Variants in WDR64 observed in about 807,000 individuals in gnomAD.
WDR64 encodes WD repeat-containing protein 64.
Under a neutral mutation model 139.3 loss-of-function variants are expected in WDR64, and 112 were observed. That is an observed-to-expected ratio of 0.80 (90% CI 0.69 to 0.94). The LOEUF (loss-of-function observed/expected upper bound fraction) is 0.94, where lower values mean the gene tolerates loss of function less well. Among genes scored for constraint, WDR64 ranks in the 40% least tolerant of loss-of-function variants. The pLI, the probability that WDR64 is intolerant of heterozygous loss-of-function variation, is 0.00. For synonymous variants in WDR64, 444 were observed against 437.7 expected (o/e 1.01, Z -0.18); for missense variants, 1,206 against 1,293.1 (o/e 0.93, Z 1.03).
chr1:241,719,702 A>G (rs1668532343), intron 9 of WDR64, among the ~76,000 whole-genome samples: 1 of 152,218 alleles, frequency 6.6e-6, no homozygotes, highest in African/African-American at 2.4e-5. Context: ...AAAATCCAAT[A>G]TACATCAGGA....
chr1:241,789,222 T>A (rs1329057312), intron 24 of WDR64, among the ~76,000 whole-genome samples: 1 of 152,156 alleles, frequency 6.6e-6, no homozygotes, highest in Non-Finnish European at 1.5e-5. Context: ...GTAGGACACG[T>A]GCTCATGTTA....
At chr1:241,740,485 C>G (rs530568069) in intron 11 of WDR64, among the ~76,000 whole-genome samples, 2 of 152,268 alleles carry the variant, frequency 1.3e-5, no homozygotes, top group African/African-American at 4.8e-5. Context: ...TTAAACACTT[C>G]AGAGAGTGTT....
At chr1:241,674,351 G>C (rs1044816473) in intron 3 of WDR64, among the ~76,000 whole-genome samples, 1 of 139,594 alleles carries the variant, frequency 7.2e-6, no homozygotes, top group African/African-American at 2.7e-5. Context: ...TCAACCTCCT[G>C]GCTCCAGAGA....
chr1:241,657,514 G>A (rs1388525701), intron 1 of WDR64, among the ~76,000 whole-genome samples: 1 of 152,060 alleles, frequency 6.6e-6, no homozygotes, highest in Non-Finnish European at 1.5e-5. Context: ...GACCTTCTTG[G>A]AACATGCCAA....
At chr1:241,773,572 G>A (rs1026823335) in intron 20 of WDR64, among the ~76,000 whole-genome samples, 6 of 152,102 alleles carry the variant, frequency 3.9e-5, no homozygotes, top group East Asian at 1.9e-4. Flanking sequence ...CGGTTCAAGC[G>A]ATTCTTCTGC....
In WDR64 at chr1:241,735,533, C is replaced by CTTT. The variant is rs58339742; in HGVS notation, c.1195-2813_1195-2811dup. On this transcript the variant is annotated intron_variant, in intron 10 of 27. Transcript: ENST00000437684. ...GTTCTCTGTCTCTCTCTCTCTCTCT[C>CTTT]TTTTTTTTTTTTTTTTTTTGATACG... 8.2e-3 allele frequency among the ~76,000 whole-genome samples: 847 copies of CTTT among 103,462 alleles called. 41 individuals carry two copies. Among genetic ancestry groups the CTTT allele is most frequent in the African/African-American group, 0.027 (699 of 26,306 alleles). The allele number at this position is 103,462 out of a possible 152,430, so 67.9% of individuals were successfully genotyped here.
intron 8 of WDR64, among the ~76,000 whole-genome samples, chr1:241,694,351 C>G (rs766783229): frequency 6.6e-6 from 1 of 152,058 alleles, no homozygotes; most frequent in Non-Finnish European, 1.5e-5. Flanking sequence ...TGCTGTATAA[C>G]ATATTGCACT....
At chr1:241,682,829 C>T (rs1385505075) in intron 6 of WDR64, among the ~76,000 whole-genome samples, 2 of 152,212 alleles carry the variant, frequency 1.3e-5, no homozygotes, top group Admixed American at 1.3e-4. Flanking sequence ...CTTAAATGCA[C>T]TTCTACCAGA....
At chr1:241,747,158 C>T (rs947305338) in intron 13 of WDR64, among the ~76,000 whole-genome samples, 3 of 152,038 alleles carry the variant, frequency 2.0e-5, no homozygotes, top group Non-Finnish European at 2.9e-5. Flanking sequence ...ATAGTGACGG[C>T]GGGGGTGGTG....
chr1:241,696,407 G>C (rs532057479), intron 8 of WDR64, among the ~76,000 whole-genome samples: 157 of 152,228 alleles, frequency 1.0e-3, no homozygotes, highest in Non-Finnish European at 2.0e-3. Flanking sequence ...CGAGTCCATA[G>C]AGTAAAGTCA....
At chr1:241,790,408 T>C (rs548672422) in intron 24 of WDR64, among the ~76,000 whole-genome samples, 183 bp from the exon 25 acceptor site, 5 of 152,106 alleles carry the variant, frequency 3.3e-5, no homozygotes, top group Non-Finnish European at 5.9e-5. Flanking sequence ...TGCTGTGGTT[T>C]CTATAGAGGA....
rs777870685 is a variant in WDR64, at chr1:241,795,261, G to A, written c.3052G>A (p.Val1018Ile). The change falls in exon 26 of 28, where the codon GTT becomes ATT. Residue 1018 changes from valine to isoleucine, a missense_variant. Physicochemically the swap from Val to Ile is conservative, Grantham distance 29. Coordinates refer to ENST00000437684, the MANE Select transcript of WDR64 (RefSeq NM_001367482.1). Reference sequence around the variant, plus strand: ...GACTGAAAACAGAGAGGCAGGGATTGTTTTCGGCTCTCTGCCTATATACAG... The same window carrying A: ...GACTGAAAACAGAGAGGCAGGGATTATTTTCGGCTCTCTGCCTATATACAG... ...FVTENREAGIVFGSLPIYSIS... is the reference protein window; with the variant it reads ...FVTENREAGIIFGSLPIYSIS... 6.2e-7 allele frequency: 1 copy of A among 1,613,884 alleles called. No individual in the cohort carries two copies. The highest frequency in any genetic ancestry group is 1.7e-5 in the Admixed American group (1 of 59,990).
chr1:241,698,933 G>A (rs918691751), intron 8 of WDR64, among the ~76,000 whole-genome samples: 6 of 152,178 alleles, frequency 3.9e-5, no homozygotes, highest in African/African-American at 7.2e-5. Context: ...ACATACCATC[G>A]TGGTGGAAGG....
At position 241,715,340 on chromosome 1, in the gene WDR64, A is replaced by T. The variant is rs79696377; in HGVS notation, c.1054+3459A>T. 6.7e-3 allele frequency among the ~76,000 whole-genome samples: 1,026 copies of T among 152,324 alleles called. 11 individuals are homozygous for T. The highest frequency in any genetic ancestry group is 0.024 in the African/African-American group (980 of 41,574). Reference sequence around the variant, plus strand: ...ATACTTTCAGAAAAAGACGTGGGTTACTTATATCCCAACTGCTTGATCCCC... The same window carrying T: ...ATACTTTCAGAAAAAGACGTGGGTTTCTTATATCCCAACTGCTTGATCCCC... On this transcript the variant is annotated intron_variant, in intron 9 of 27. Transcript: ENST00000437684.
intron 2 of WDR64, among the ~76,000 whole-genome samples, chr1:241,661,550 C>A (rs578029301): frequency 6.6e-6 from 1 of 152,184 alleles, no homozygotes; most frequent in East Asian, 1.9e-4. Context: ...AGCTATCCAG[C>A]TCACTTTATG....
chr1:241,783,123 C>A, intron 22 of WDR64, 149 bp from the exon 23 acceptor site: 1 of 644,286 alleles, frequency 1.6e-6, no homozygotes, highest in East Asian at 2.9e-5. Context: ...AAGAGAAGAG[C>A]TAATTGGGGG....
At chr1:241,670,420 A>C (rs918157066) in intron 2 of WDR64, among the ~76,000 whole-genome samples, 1 of 152,194 alleles carries the variant, frequency 6.6e-6, no homozygotes, top group African/African-American at 2.4e-5. Context: ...GGCCAAAGTC[A>C]GTGTCAAAGT....
chr1:241,788,081 G>C (rs370612602), intron 24 of WDR64, 47 bp downstream of exon 24: 82 of 1,484,648 alleles, frequency 5.5e-5, no homozygotes, highest in Non-Finnish European at 6.8e-5. Flanking sequence ...GAATCAAACT[G>C]TTGAGATGCT....
intron 8 of WDR64, among the ~76,000 whole-genome samples, chr1:241,691,529 A>G (rs902034127): frequency 3.9e-5 from 6 of 152,230 alleles, no homozygotes; most frequent in Non-Finnish European, 8.8e-5. Flanking sequence ...AAAAACACTT[A>G]GCAAAGTAGG....
Sources: gnomAD v4.1 joint callset for allele counts (sites outside exome capture counted in the v4.1 genomes callset) on GRCh38, gnomAD v4.1.1 for gene constraint, MANE v1.5 for transcripts, NCBI Gene and HGNC (gene_info 2026-07-23, HGNC 2026-07-21) for gene names.